Variants in HERC1 observed in about 807,000 individuals in gnomAD.
HERC1 encodes the protein probable E3 ubiquitin-protein ligase HERC1.
A neutral mutation model predicts 554.3 loss-of-function variants in HERC1; 160 were observed. The observed-to-expected ratio is 0.29, with a 90% CI of 0.25 to 0.33. HERC1 has a LOEUF of 0.33. Among genes scored for constraint, HERC1 ranks in the 10% least tolerant of loss-of-function variants. The pLI, the probability that HERC1 is intolerant of heterozygous loss-of-function variation, is 1.00. For synonymous variants in HERC1, 2,175 were observed against 2,131.7 expected, an observed-to-expected ratio of 1.02 and a Z score of -0.56; for missense variants, 4,919 against 5,918.5, an observed-to-expected ratio of 0.83 and a Z score of 5.54.
At chr15:63,715,830 T>C (rs2073527224) in intron 22 of HERC1, among the ~76,000 whole-genome samples, 1 of 152,222 alleles carries the variant, frequency 6.6e-6, no homozygotes, top group Admixed American at 6.5e-5. Flanking sequence ...CTCATGTAAA[T>C]TCTTGCTCCC....
chr15:63,763,516 CAT>C (rs1417275175), intron 3 of HERC1, among the ~76,000 whole-genome samples: 1 of 149,888 alleles, frequency 6.7e-6, no homozygotes, highest in Non-Finnish European at 1.5e-5. Context: ...CCTGAACAAA[CAT>C]ATTGAAGGAA....
chr15:63,690,704 T>A, intron 31 of HERC1, 57 bp from the exon 32 acceptor site: 1 of 1,152,532 alleles, frequency 8.7e-7, no homozygotes, highest in South Asian at 1.3e-5. Context: ...AAAGTTAAAA[T>A]GAACTTCTGG....
At chr15:63,610,082 A>G (rs886763194) in intron 77 of HERC1, among the ~76,000 whole-genome samples, 3 of 152,172 alleles carry the variant, frequency 2.0e-5, no homozygotes, top group Non-Finnish European at 4.4e-5. Flanking sequence ...ACAATTTGTA[A>G]TAATAGTAAT....
chr15:63,731,618 G>T (rs895814473), intron 14 of HERC1, among the ~76,000 whole-genome samples: 1 of 152,198 alleles, frequency 6.6e-6, no homozygotes, highest in Non-Finnish European at 1.5e-5. Context: ...TTTGTAGGAA[G>T]AATGTTCACT....
chr15:63,622,034 G>A (rs2068100351), intron 74 of HERC1, among the ~76,000 whole-genome samples: 1 of 152,124 alleles, frequency 6.6e-6, no homozygotes, highest in African/African-American at 2.4e-5. Context: ...TGCTGGTGAG[G>A]AGCTGCGTAA....
intron 51 of HERC1, 35 bp downstream of exon 51, chr15:63,654,084 A>C: frequency 6.6e-7 from 1 of 1,508,526 alleles, no homozygotes; most frequent in Non-Finnish European, 9.2e-7. Context: ...ATCTTACATA[A>C]CGTGATTAAC....
intron 48 of HERC1, among the ~76,000 whole-genome samples, chr15:63,656,679 T>C (rs2070057935): frequency 6.6e-6 from 1 of 152,212 alleles, no homozygotes; most frequent in Non-Finnish European, 1.5e-5. Flanking sequence ...AAACAGAACA[T>C]TGCCAGTACC....
In HERC1 at chr15:63,727,310, A is replaced by G. The variant is rs1023751351; in HGVS notation, c.3346+337T>C. On this transcript the variant is annotated intron_variant, in intron 17 of 77. Transcript: ENST00000443617. The surrounding 1 kb of genome is among the most constrained non-coding windows in gnomAD (Gnocchi z 4.3). ...AAAAAGGAAAGAATAAATTTGGAAC[A>G]ACTCCATATAAAGCCTAATCAACAT... is the stretch of plus-strand genomic sequence containing the variant. Among the ~76,000 whole-genome samples the G allele has an allele frequency of 2.6e-5, 4 of 152,116 alleles. No homozygotes were observed. The highest frequency in any genetic ancestry group is 7.2e-5 in the African/African-American group (3 of 41,438).
intron 1 of HERC1, among the ~76,000 whole-genome samples, chr15:63,829,867 GAAC>G (rs889694772): frequency 1.5e-4 from 23 of 151,636 alleles, no homozygotes; most frequent in African/African-American, 4.8e-4. Context: ...GGAACAATTT[GAAC>G]AACAAAATAA....
At chr15:63,755,838 G>T (rs563243073) in intron 5 of HERC1, among the ~76,000 whole-genome samples, 2 of 152,152 alleles carry the variant, frequency 1.3e-5, no homozygotes, top group Admixed American at 6.5e-5. Flanking sequence ...AAAAAGAGAA[G>T]ATATGAGCTC....
At chr15:63,766,357 G>A (rs1417507847) in intron 2 of HERC1, among the ~76,000 whole-genome samples, 1 of 152,050 alleles carries the variant, frequency 6.6e-6, no homozygotes. Flanking sequence ...GGAGGCTGAG[G>A]TGGGCAGATC....
At chr15:63,712,938 TG>T (rs751292014) in intron 23 of HERC1, 43 bp from the exon 24 acceptor site, 5 of 1,569,114 alleles carry the variant, frequency 3.2e-6, no homozygotes, top group Non-Finnish European at 4.3e-6. Flanking sequence ...GATTTAGGAC[TG>T]TTAGTGAACA....
intron 1 of HERC1, among the ~76,000 whole-genome samples, chr15:63,797,601 C>A (rs955984869): frequency 1.3e-5 from 2 of 152,146 alleles, no homozygotes; most frequent in Non-Finnish European, 2.9e-5. Flanking sequence ...TCCTTGAAAA[C>A]CCTAAACTCC....
At position 63,609,216 on chromosome 15, in the gene HERC1, C is replaced by T. The variant is rs1417634963; in HGVS notation, c.14451G>A (p.Leu4817=). Reference sequence around the variant, plus strand: ...TGACCAGCTGGCTGGAGTACGGGGGCAGCCTCAGCTGGAAGAAGCAGGTCT... The same window carrying T: ...TGACCAGCTGGCTGGAGTACGGGGGTAGCCTCAGCTGGAAGAAGCAGGTCT... ...TSQTCFFQLR[L]PPYSSQLVMA... is the part of the protein sequence containing the mutation. Residue 4817 remains leucine (L), a synonymous_variant, in exon 78 of 78, where the codon CTG becomes CTA. Coordinates refer to ENST00000443617, the MANE Select transcript of HERC1 (RefSeq NM_003922.4). The T allele has an allele frequency of 6.2e-7, 1 of 1,613,454 alleles. No individual in the cohort carries two copies. The highest frequency in any genetic ancestry group is 8.5e-7 in the Non-Finnish European group (1 of 1,179,774).
chr15:63,627,550 T>C (rs1019547717), intron 70 of HERC1, among the ~76,000 whole-genome samples: 3 of 152,026 alleles, frequency 2.0e-5, no homozygotes, highest in Non-Finnish European at 4.4e-5. Context: ...GGCACATGCC[T>C]GTAATCCCAG....
chr15:63,667,542 T>C (rs1179897654), intron 40 of HERC1, among the ~76,000 whole-genome samples: 2 of 152,122 alleles, frequency 1.3e-5, no homozygotes, highest in Admixed American at 1.3e-4. Context: ...GATATAGCTA[T>C]AAAAACTATC....
At position 63,630,481 on chromosome 15, in the gene HERC1, G is replaced by T; in HGVS notation, c.12951C>A (p.Ser4317Arg). The change falls in exon 69 of 78, where the codon AGC becomes AGA. Residue 4317 changes from serine (S) to arginine (R), a missense_variant. Around this residue, in one of 11 missense-constraint regions of HERC1, gnomAD observed 410 missense variants for 467.0 expected, o/e 0.88. Coordinates refer to ENST00000443617, the MANE Select transcript of HERC1 (RefSeq NM_003922.4). ...ASNGDVYAWGSNSEGQLGLGH... is the reference protein window; with the variant it reads ...ASNGDVYAWGRNSEGQLGLGH... ...AAATATTTACCTGCCCTTCTGAATT[G>T]CTCCCCCAGGCATACACATCTCCAT... The T allele has an allele frequency of 6.2e-7, 1 of 1,612,188 alleles. No individual in the cohort carries two copies. The highest frequency in any genetic ancestry group is 8.5e-7 in the Non-Finnish European group (1 of 1,179,294).
At position 63,718,933 on chromosome 15, in the gene HERC1, G is replaced by T; in HGVS notation, c.3743-36C>A. On this transcript the variant is annotated intron_variant, in intron 19 of 77. Coordinates refer to ENST00000443617, the MANE Select transcript of HERC1 (RefSeq NM_003922.4). This position sits in a 1 kb window ranked among gnomAD's most constrained non-coding sequence, Gnocchi z 4.2. ...AAATGATGCATTGACATTTAAAAGGGCTCAGAAAACAGTTCAGAGGTAATT... is the reference window on the plus strand; with the variant it reads ...AAATGATGCATTGACATTTAAAAGGTCTCAGAAAACAGTTCAGAGGTAATT... The T allele has an allele frequency of 6.9e-7, 1 of 1,449,120 alleles. No homozygotes were observed. The highest frequency in any genetic ancestry group is 9.6e-7 in the Non-Finnish European group (1 of 1,044,262). 89.8% of individuals were successfully genotyped at this position (1,449,120 alleles called of 1,614,324 possible). A position where few individuals can be genotyped will look rare whatever the true frequency, so the allele number is the denominator to read the frequency against.
intron 1 of HERC1, among the ~76,000 whole-genome samples, chr15:63,796,335 T>C (rs1390316034): frequency 1.3e-5 from 2 of 152,266 alleles, no homozygotes; most frequent in African/African-American, 2.4e-5. Flanking sequence ...ATAAGGGTAC[T>C]ACTGAAATGT....
Sources: gnomAD v4.1 joint callset for allele counts (sites outside exome capture counted in the v4.1 genomes callset) on GRCh38, gnomAD v4.1.1 for gene constraint, gnomAD v4.1.1 regional missense constraint, Gnocchi (gnomAD v3.1) non-coding constraint, MANE v1.5 for transcripts, NCBI Gene and HGNC (gene_info 2026-07-23, HGNC 2026-07-21) for gene names.